E2F3: variants seen among roughly 807,000 people sequenced by gnomAD.
E2F3 encodes E2F transcription factor 3, also known as transcription factor E2F3.
Under a neutral mutation model 44.4 loss-of-function variants are expected in E2F3, and 11 were observed. The observed-to-expected ratio is 0.25, with a 90% confidence interval of 0.16 to 0.41. The LOEUF is 0.41. Ranked by LOEUF, E2F3 falls within the 10% of genes least tolerant of loss-of-function variation. The probability of loss-of-function intolerance (pLI) is 1.00; values close to 1 mark genes in which losing one functional copy is unlikely to be tolerated. For missense variants in E2F3, 487 were observed against 583.6 expected, an observed-to-expected ratio of 0.83 and a Z score of 1.70; for synonymous variants, 249 against 253.0, an observed-to-expected ratio of 0.98 and a Z score of 0.15.
chr6:20,427,482 G>T (rs914233803), intron 1 of E2F3, among the ~76,000 whole-genome samples: 2 of 152,190 alleles, frequency 1.3e-5, no homozygotes, highest in East Asian at 3.9e-4. Flanking sequence ...TGGCAGGTTG[G>T]GTGGGATCAA....
At chr6:20,445,694 A>G (rs553019439) in intron 1 of E2F3, among the ~76,000 whole-genome samples, 4 of 152,288 alleles carry the variant, frequency 2.6e-5, no homozygotes, top group African/African-American at 9.6e-5. Context: ...TGGAAATTGC[A>G]ATTTTAAATG....
rs1193145283 is a variant in E2F3, at chr6:20,402,643, C to T, written c.393+18C>T. ...GCCCTCCGGTAATACCCTCCCTCCCCACCGTCCCCAGCCCCGGCGGGAGGT... is the reference window on the plus strand; with the variant it reads ...GCCCTCCGGTAATACCCTCCCTCCCTACCGTCCCCAGCCCCGGCGGGAGGT... On this transcript the variant is annotated intron_variant, in intron 1 of 6. Transcript: ENST00000346618. The surrounding 1 kb of genome is among the most constrained non-coding windows in gnomAD (Gnocchi z 5.6). The T allele has an allele frequency of 2.3e-6, 3 of 1,321,996 alleles. No individual in the cohort carries two copies. Among genetic ancestry groups the T allele is most frequent in the Non-Finnish European group, 2.9e-6 (3 of 1,043,214 alleles). The allele number at this position is 1,321,996 out of a possible 1,614,324, so 81.9% of individuals were successfully genotyped here.
chr6:20,406,618 C>T (rs1288353126), intron 1 of E2F3, among the ~76,000 whole-genome samples: 1 of 152,088 alleles, frequency 6.6e-6, no homozygotes, highest in Non-Finnish European at 1.5e-5. Context: ...GTAAGACACG[C>T]CTATATAGAG....
At chr6:20,449,914 C>T (rs555477525) in intron 1 of E2F3, among the ~76,000 whole-genome samples, 1 of 152,246 alleles carries the variant, frequency 6.6e-6, no homozygotes, top group Admixed American at 6.5e-5. Flanking sequence ...GGATAATGGC[C>T]TCCAGCTCCA....
rs540782907 is a variant in E2F3, at chr6:20,462,570, A to G, written c.394-17276A>G. Among the ~76,000 whole-genome samples the G allele has an allele frequency of 2.0e-3, 302 of 149,488 alleles. 1 individual carries two copies. The highest frequency in any genetic ancestry group is 3.2e-3 in the Non-Finnish European group (215 of 67,526). ...TCTCCCAGGTTCAAGCGATTCTCCC[A>G]CCTCAGCCTCCTAAGTAACTGGGAT... On this transcript the variant is annotated intron_variant, in intron 1 of 6. Transcript: ENST00000346618.
At chr6:20,423,758 C>A (rs1477090647) in intron 1 of E2F3, among the ~76,000 whole-genome samples, 1 of 138,120 alleles carries the variant, frequency 7.2e-6, no homozygotes, top group Non-Finnish European at 1.6e-5. Context: ...TGTGAGCCAC[C>A]ACACCCGGCC....
intron 1 of E2F3, among the ~76,000 whole-genome samples, chr6:20,417,605 G>A (rs78599207): frequency 6.8e-6 from 1 of 146,726 alleles, no homozygotes; most frequent in African/African-American, 2.5e-5. Flanking sequence ...AAAAAAAAAG[G>A]CCCAGATCAG....
At chr6:20,407,861 G>A (rs1759541618) in intron 1 of E2F3, among the ~76,000 whole-genome samples, 1 of 152,202 alleles carries the variant, frequency 6.6e-6, no homozygotes, top group Admixed American at 6.5e-5. Context: ...ACTAGGATGA[G>A]TCAAAATCAA....
chr6:20,483,018 A>T, intron 4 of E2F3, 98 bp downstream of exon 4: 2 of 1,557,250 alleles, frequency 1.3e-6, no homozygotes, highest in Non-Finnish European at 1.8e-6. Flanking sequence ...TATTATTCTG[A>T]TGTCATGCAA....
intron 1 of E2F3, among the ~76,000 whole-genome samples, chr6:20,448,236 C>G (rs1018055514): frequency 6.6e-6 from 1 of 152,132 alleles, no homozygotes; most frequent in Non-Finnish European, 1.5e-5. Context: ...AGAAACCTCT[C>G]CAGAGAAATA....
At position 20,402,714 on chromosome 6, in the gene E2F3, G is replaced by T. The variant is rs1759348830; in HGVS notation, c.393+89G>T. On this transcript the variant is annotated intron_variant, in intron 1 of 6. Coordinates refer to ENST00000346618, the MANE Select transcript of E2F3 (RefSeq NM_001949.5). The surrounding 1 kb of genome is among the most constrained non-coding windows in gnomAD (Gnocchi z 5.6). ...CGTGGGCGCGCTGCGGGCCGCTCGG[G>T]GAGAGCACTGGGCCGAGCATCGTGG... is the stretch of plus-strand genomic sequence containing the variant. 4 of 1,272,374 alleles carry T rather than the reference G, an allele frequency of 3.1e-6. No homozygotes were observed. Among genetic ancestry groups the T allele is most frequent in the Non-Finnish European group, 3.9e-6 (4 of 1,012,694 alleles). 78.8% of individuals were successfully genotyped at this position (1,272,374 alleles called of 1,614,324 possible). A position where few individuals can be genotyped will look rare whatever the true frequency, so the allele number is the denominator to read the frequency against.
At chr6:20,419,529 T>TTTTA (rs142847666) in intron 1 of E2F3, among the ~76,000 whole-genome samples, 6,941 of 150,354 alleles carry the variant, frequency 0.046, 224 homozygotes, top group Middle Eastern at 0.12. Context: ...TAGTACCTCC[T>TTTTA]TTTATTTATT....
intron 1 of E2F3, among the ~76,000 whole-genome samples, chr6:20,413,462 T>TA (rs1291745983): frequency 2.6e-5 from 4 of 152,244 alleles, no homozygotes; most frequent in African/African-American, 9.6e-5. Flanking sequence ...CCAAGCCTCA[T>TA]ACCTGCTCTC....
intron 1 of E2F3, chr6:20,452,545 CTT>C (rs1240720577): frequency 3.3e-5 from 5 of 152,070 alleles, no homozygotes; most frequent in South Asian, 2.1e-4. Context: ...GGTTATCAAA[CTT>C]TTGGATTTTT....
intron 1 of E2F3, among the ~76,000 whole-genome samples, chr6:20,467,844 CTT>C (rs1761763447): frequency 1.3e-5 from 2 of 152,044 alleles, no homozygotes; most frequent in African/African-American, 4.8e-5. Flanking sequence ...CCATTGGTAA[CTT>C]TTACCTTTAG....
intron 1 of E2F3, among the ~76,000 whole-genome samples, chr6:20,459,927 C>T (rs1383259973): frequency 6.6e-6 from 1 of 152,068 alleles, no homozygotes; most frequent in African/African-American, 2.4e-5. Flanking sequence ...AGAGCAAGAC[C>T]CTGTCTCAAA....
At position 20,479,860 on chromosome 6, in the gene E2F3, G is replaced by C; in HGVS notation, c.408G>C (p.Leu136=). 6.2e-7 allele frequency: 1 copy of C among 1,611,760 alleles called. No homozygotes were observed. The highest frequency in any genetic ancestry group is 8.5e-7 in the Non-Finnish European group (1 of 1,178,914). The change falls in exon 2 of 7, where the codon CTG becomes CTC. Residue 136 remains leucine, a synonymous_variant. Transcript: ENST00000346618. Reference sequence around the variant, plus strand: ...TCTTATTACAGGCAAAGCGAAGGCTGGAGCTAGGAGAAAGCGGTCATCAGT... The same window carrying C: ...TCTTATTACAGGCAAAGCGAAGGCTCGAGCTAGGAGAAAGCGGTCATCAGT... ...GGGGPPAKRR[L]ELGESGHQYL... is the part of the protein sequence containing the mutation.
At chr6:20,411,973 C>T (rs1013228235) in intron 1 of E2F3, among the ~76,000 whole-genome samples, 1 of 152,208 alleles carries the variant, frequency 6.6e-6, no homozygotes, top group African/African-American at 2.4e-5. Context: ...TGAGAAGAGG[C>T]ATTTTCATTA....
chr6:20,444,065 G>A (rs561998854), intron 1 of E2F3, among the ~76,000 whole-genome samples: 1 of 152,200 alleles, frequency 6.6e-6, no homozygotes, highest in East Asian at 1.9e-4. Flanking sequence ...AAATTAGTCA[G>A]GCATGGTGGT....
Sources: allele counts gnomAD v4.1 joint callset (sites outside exome capture counted in the v4.1 genomes callset), GRCh38; gene constraint gnomAD v4.1.1; non-coding constraint Gnocchi (gnomAD v3.1); transcripts MANE v1.5; gene names NCBI Gene and HGNC (gene_info 2026-07-23, HGNC 2026-07-21).